Variants in ATL1 observed in about 807,000 individuals in gnomAD.
ATL1 encodes the protein atlastin GTPase 1.
A neutral mutation model predicts 75.5 loss-of-function variants in ATL1; 31 were observed. The observed-to-expected ratio is 0.41, with a 90% confidence interval of 0.31 to 0.55. The LOEUF is 0.55. ATL1 is among the 20% of genes least tolerant of loss of function. ATL1 has a pLI of 0.27. For missense variants in ATL1, 405 were observed against 662.6 expected (o/e 0.61, Z 4.27); for synonymous variants, 226 against 233.3 (o/e 0.97, Z 0.28).
intron 6 of ATL1, among the ~76,000 whole-genome samples, chr14:50,606,236 C>T (rs186335479): frequency 1.3e-5 from 2 of 151,936 alleles, no homozygotes; most frequent in East Asian, 3.9e-4. Flanking sequence ...TTAAAGAGCT[C>T]CTCTTAACTG....
intron 1 of ATL1, among the ~76,000 whole-genome samples, chr14:50,564,647 C>CAAAA (rs60054322): frequency 0.014 from 570 of 39,990 alleles, 10 homozygotes; most frequent in African/African-American, 0.016. Context: ...GATTCCGTCT[C>CAAAA]AAAAAAAAAA....
At chr14:50,562,094 G>A (rs1398609763) in intron 1 of ATL1, among the ~76,000 whole-genome samples, 1 of 151,858 alleles carries the variant, frequency 6.6e-6, no homozygotes, top group African/African-American at 2.4e-5. Flanking sequence ...GCCTAGGCTG[G>A]AGTGCAGTGG....
At chr14:50,579,179 G>C (rs1055051830) in intron 1 of ATL1, among the ~76,000 whole-genome samples, 2 of 152,128 alleles carry the variant, frequency 1.3e-5, no homozygotes, top group African/African-American at 4.8e-5. Context: ...TGTATGGTGA[G>C]AGCTAAGGAT....
chr14:50,579,417 TC>T (rs888673411), intron 1 of ATL1, among the ~76,000 whole-genome samples: 33 of 152,310 alleles, frequency 2.2e-4, no homozygotes, highest in African/African-American at 7.5e-4. Context: ...TTAGTGTAAG[TC>T]CCCCAATTTT....
intron 1 of ATL1, among the ~76,000 whole-genome samples, chr14:50,571,159 A>G (rs2038951880): frequency 6.6e-6 from 1 of 152,188 alleles, no homozygotes; most frequent in South Asian, 2.1e-4. Flanking sequence ...GTGTGCAACA[A>G]GGACAGCTCA....
At chr14:50,560,409 G>A in intron 1 of ATL1, 110 bp downstream of exon 1, 1 of 1,418,702 alleles carries the variant, frequency 7.0e-7, no homozygotes, top group Non-Finnish European at 9.7e-7. Context: ...CTGCGTCCAC[G>A]GCTGGGAGAC....
chr14:50,562,145 C>CCT (rs2038854007), intron 1 of ATL1, among the ~76,000 whole-genome samples: 1 of 151,954 alleles, frequency 6.6e-6, no homozygotes, highest in Admixed American at 6.6e-5. Flanking sequence ...CCCGGGTTCA[C>CCT]GCCATTCTCC....
At chr14:50,623,059 T>C (rs929292590) in intron 10 of ATL1, 118 bp from the exon 11 acceptor site, 2 of 794,962 alleles carry the variant, frequency 2.5e-6, no homozygotes, top group African/African-American at 1.7e-5. Flanking sequence ...TTAAATTATT[T>C]TGAGGACTTT....
chr14:50,579,901 T>G (rs967985241), intron 1 of ATL1, among the ~76,000 whole-genome samples: 1 of 152,202 alleles, frequency 6.6e-6, no homozygotes, highest in East Asian at 1.9e-4. Flanking sequence ...AGCTGGTTAT[T>G]AAACATTTGC....
intron 13 of ATL1, chr14:50,631,004 A>C (rs2039574360): frequency 8.8e-6 from 4 of 453,106 alleles, no homozygotes; most frequent in Admixed American, 7.2e-5. Context: ...CACGCCTGTA[A>C]TCCCAGCACT....
At chr14:50,621,112 A>G (rs2039463244) in intron 9 of ATL1, among the ~76,000 whole-genome samples, 1 of 152,192 alleles carries the variant, frequency 6.6e-6, no homozygotes, top group South Asian at 2.1e-4. Flanking sequence ...TACTGAAGAA[A>G]ATACTTCCCC....
At chr14:50,612,321 A>G (rs1180583605) in intron 6 of ATL1, among the ~76,000 whole-genome samples, 1 of 152,112 alleles carries the variant, frequency 6.6e-6, no homozygotes, top group Non-Finnish European at 1.5e-5. Flanking sequence ...TTCTTGATCT[A>G]GGTGCTAGTT....
chr14:50,541,193 G>C (rs558422758), intron 1 of ATL1, among the ~76,000 whole-genome samples: 3 of 152,260 alleles, frequency 2.0e-5, no homozygotes, highest in African/African-American at 4.8e-5. Context: ...ACTACCTCAG[G>C]GATATTTAAA....
chr14:50,569,786 C>A (rs2038938079), intron 1 of ATL1, among the ~76,000 whole-genome samples: 1 of 151,670 alleles, frequency 6.6e-6, no homozygotes, highest in Admixed American at 6.6e-5. Context: ...TTAATTTATT[C>A]CTCATTTTTG....
chr14:50,618,127 GAAAGTGATTTT>G (rs2039431863), intron 8 of ATL1, among the ~76,000 whole-genome samples: 1 of 152,122 alleles, frequency 6.6e-6, no homozygotes, highest in Admixed American at 6.5e-5. Context: ...TACAAGTTCT[GAAAGTGATTTT>G]AAAGTGGTTT....
chr14:50,542,006 CAAAAAAAAAAAAAAAAAAAAAAAAAA>C (rs59075218), intron 1 of ATL1, among the ~76,000 whole-genome samples: 129 of 62,478 alleles, frequency 2.1e-3, no homozygotes, highest in South Asian at 0.02. Context: ...GATTCCGTCT[CAAAAAAAAAAAAAAAAAAAAAAAAAA>C]AAAAAAAAAA....
In ATL1 at chr14:50,621,843, G is replaced by T. The variant is rs1175428745; in HGVS notation, c.991G>T (p.Ala331Ser). 4 of 1,568,534 alleles carry T rather than the reference G, an allele frequency of 2.6e-6. No individual in the cohort carries two copies. In the South Asian group the frequency reaches 3.4e-5, roughly 13 times the overall value. The change falls in exon 10 of 14, where the codon GCT (alanine) becomes TCT (serine). Residue 331 changes from alanine (A) to serine (S), a missense_variant and splice_region_variant. Physicochemically the swap from Ala to Ser is moderately conservative, Grantham distance 99. Coordinates refer to ENST00000358385, the MANE Select transcript of ATL1 (RefSeq NM_015915.5). ...CATGAATCTTTTTCTTTTTTTTTAG[G>T]CTTATATAAAGATCTATCAAGGTGA... ...TCRGLVEYFK[A>S]YIKIYQGEEL...
At chr14:50,560,419 C>CG (rs2038823071) in intron 1 of ATL1, 120 bp downstream of exon 1, 1 of 1,326,306 alleles carries the variant, frequency 7.5e-7, no homozygotes, top group Admixed American at 2.0e-5. Context: ...GGCTGGGAGA[C>CG]GGGCCGTAGC....
intron 6 of ATL1, among the ~76,000 whole-genome samples, chr14:50,603,557 C>G (rs1351754257): frequency 6.6e-6 from 1 of 152,078 alleles, no homozygotes; most frequent in South Asian, 2.1e-4. Flanking sequence ...TCAAATTGGG[C>G]CTACACAGGA....
Sources: gnomAD v4.1 joint callset for allele counts (sites outside exome capture counted in the v4.1 genomes callset) on GRCh38, gnomAD v4.1.1 for gene constraint, MANE v1.5 for transcripts, NCBI Gene and HGNC (gene_info 2026-07-23, HGNC 2026-07-21) for gene names.